The following COMMD10 variants were observed in gnomAD, a reference collection of about 807,000 sequenced individuals.
The protein encoded by COMMD10 is COMM domain containing 10.
A neutral mutation model predicts 28.9 loss-of-function variants in COMMD10; 33 were observed. The observed-to-expected ratio is 1.14, with a 90% confidence interval of 0.87 to 1.53. COMMD10 has a LOEUF of 1.53. Among genes scored for constraint, COMMD10 ranks in the 40% most tolerant of loss-of-function variants. The pLI is 0.00. For missense variants in COMMD10, 310 were observed against 233.4 expected, an observed-to-expected ratio of 1.33 and a Z score of -2.14; for synonymous variants, 110 against 81.7, an observed-to-expected ratio of 1.35 and a Z score of -1.87.
At chr5:116,113,283 T>A (rs963611212) in intron 4 of COMMD10, among the ~76,000 whole-genome samples, 1 of 152,002 alleles carries the variant, frequency 6.6e-6, no homozygotes, top group Admixed American at 6.6e-5. Flanking sequence ...TAATATGTTG[T>A]ATTGAAGTCC....
At position 116,168,732 on chromosome 5, in the gene COMMD10, T is replaced by C. The variant is rs1300728202; in HGVS notation, c.510+34554T>C. 2.6e-5 allele frequency among the ~76,000 whole-genome samples: 4 copies of C among 152,140 alleles called. 1 individual carries two copies. The highest frequency in any genetic ancestry group is 9.7e-5 in the African/African-American group (4 of 41,438). On this transcript the variant is annotated intron_variant, in intron 5 of 6. Coordinates refer to ENST00000274458, the MANE Select transcript of COMMD10 (RefSeq NM_016144.4). ...GAACAACCTGCTGCTGAATGACTAC[T>C]GGGTAAATAACGAAATGAAGGCAGA...
chr5:116,249,339 A>G (rs1750046404), intron 5 of COMMD10, among the ~76,000 whole-genome samples: 1 of 151,970 alleles, frequency 6.6e-6, no homozygotes, highest in South Asian at 2.1e-4. Flanking sequence ...GGATAAATCA[A>G]ATGGCCTGGC....
chr5:116,258,175 T>G (rs993719744), intron 5 of COMMD10, among the ~76,000 whole-genome samples: 1 of 151,680 alleles, frequency 6.6e-6, no homozygotes, highest in South Asian at 2.1e-4. Flanking sequence ...GAATAAAAAT[T>G]ACAGTTTGAA....
intron 5 of COMMD10, among the ~76,000 whole-genome samples, chr5:116,226,795 A>T (rs1749404727): frequency 6.6e-6 from 1 of 152,068 alleles, no homozygotes; most frequent in South Asian, 2.1e-4. Context: ...TCTGGGAGAC[A>T]GGACAAAACA....
chr5:116,259,432 A>G (rs979328533), intron 5 of COMMD10, among the ~76,000 whole-genome samples: 3 of 151,306 alleles, frequency 2.0e-5, no homozygotes, highest in Non-Finnish European at 4.4e-5. Context: ...AATTACAATT[A>G]TATTTAACGT....
chr5:116,182,559 T>C (rs1403493471), intron 5 of COMMD10, among the ~76,000 whole-genome samples: 1 of 151,964 alleles, frequency 6.6e-6, no homozygotes, highest in Non-Finnish European at 1.5e-5. Flanking sequence ...CAGATATTAA[T>C]AAAATTTAGA....
chr5:116,128,918 C>G (rs746964110), intron 4 of COMMD10, among the ~76,000 whole-genome samples: 12 of 151,840 alleles, frequency 7.9e-5, no homozygotes, highest in African/African-American at 1.2e-4. Context: ...AATATCACAC[C>G]TACAGGTGCT....
At chr5:116,112,629 C>T (rs1048692865) in intron 4 of COMMD10, among the ~76,000 whole-genome samples, 9 of 152,094 alleles carry the variant, frequency 5.9e-5, no homozygotes, top group African/African-American at 1.9e-4. Flanking sequence ...CTCTTCACCT[C>T]ATTATCCGCC....
intron 5 of COMMD10, among the ~76,000 whole-genome samples, 178 bp from the exon 6 acceptor site, chr5:116,291,339 A>G (rs964954611): frequency 1.3e-5 from 2 of 152,182 alleles, no homozygotes; most frequent in South Asian, 2.1e-4. Flanking sequence ...CTTTTGCTAG[A>G]GTGTTATTAA....
chr5:116,085,443 G>C, intron 1 of COMMD10: 1 of 306,622 alleles, frequency 3.3e-6, no homozygotes, highest in South Asian at 7.0e-5. Context: ...ACGTGGAACG[G>C]TATTCCGTTT....
chr5:116,144,942 T>G (rs1561628504), intron 5 of COMMD10, among the ~76,000 whole-genome samples: 2 of 151,748 alleles, frequency 1.3e-5, no homozygotes, highest in Non-Finnish European at 2.9e-5. Context: ...GAGGGATATA[T>G]TAATACATTT....
intron 4 of COMMD10, among the ~76,000 whole-genome samples, chr5:116,109,379 TC>T (rs1750965218): frequency 6.6e-6 from 1 of 152,076 alleles, no homozygotes; most frequent in Non-Finnish European, 1.5e-5. Flanking sequence ...TCCTGGGTGA[TC>T]CCCAAGAGTT....
At chr5:116,210,190 T>C (rs1748922579) in intron 5 of COMMD10, among the ~76,000 whole-genome samples, 1 of 152,186 alleles carries the variant, frequency 6.6e-6, no homozygotes, top group Non-Finnish European at 1.5e-5. Context: ...AATCACCTCC[T>C]AAAGGTCTGA....
At chr5:116,167,205 C>T (rs1753151582) in intron 5 of COMMD10, among the ~76,000 whole-genome samples, 1 of 151,782 alleles carries the variant, frequency 6.6e-6, no homozygotes, top group Admixed American at 6.6e-5. Context: ...ATGCAGCCTA[C>T]ACAAGTGTCA....
intron 4 of COMMD10, among the ~76,000 whole-genome samples, chr5:116,108,565 A>T (rs79862711): frequency 0.054 from 8,252 of 152,268 alleles, 322 homozygotes; most frequent in African/African-American, 0.11. Context: ...CTTCTAGGTC[A>T]ACTCAGACTG....
At chr5:116,242,109 T>C (rs1749831086) in intron 5 of COMMD10, among the ~76,000 whole-genome samples, 1 of 152,184 alleles carries the variant, frequency 6.6e-6, no homozygotes, top group Non-Finnish European at 1.5e-5. Context: ...CTAACAGCTA[T>C]GAAGGTGAAT....
intron 4 of COMMD10, among the ~76,000 whole-genome samples, chr5:116,133,608 C>G (rs1487882918): frequency 1.3e-5 from 2 of 152,250 alleles, no homozygotes; most frequent in South Asian, 2.1e-4. Flanking sequence ...AAAAGCAAAT[C>G]TTACCTGTAT....
chr5:116,148,063 A>G (rs1752401092), intron 5 of COMMD10, among the ~76,000 whole-genome samples: 1 of 151,848 alleles, frequency 6.6e-6, no homozygotes, highest in Admixed American at 6.6e-5. Flanking sequence ...TATTTATTCA[A>G]ATAGTCCTTC....
intron 5 of COMMD10, among the ~76,000 whole-genome samples, chr5:116,171,051 G>A (rs2416431): frequency 1.6e-4 from 24 of 152,082 alleles, no homozygotes; most frequent in Non-Finnish European, 2.6e-4. Flanking sequence ...GAAAAGACTA[G>A]CTACAGAATG....
Sources: gnomAD v4.1 joint callset for allele counts (sites outside exome capture counted in the v4.1 genomes callset) on GRCh38, gnomAD v4.1.1 for gene constraint, MANE v1.5 for transcripts, NCBI Gene and HGNC (gene_info 2026-07-23, HGNC 2026-07-21) for gene names.